Variants in SORCS2 observed in about 807,000 individuals in gnomAD.
SORCS2 encodes the protein VPS10 domain-containing receptor SorCS2.
SORCS2 carries 100 observed loss-of-function variants against 141.6 expected under a neutral mutation model. The observed-to-expected ratio is 0.71, with a 90% CI of 0.60 to 0.83. SORCS2 has a LOEUF of 0.83. Ranked by LOEUF, SORCS2 falls within the 40% of genes least tolerant of loss-of-function variation. SORCS2 has a pLI of 0.00. For synonymous variants in SORCS2, 789 were observed against 676.9 expected (o/e 1.17, Z -2.57); for missense variants, 1,646 against 1,560.2 (o/e 1.05, Z -0.93).
chr4:7,380,567 A>G (rs977350626), intron 1 of SORCS2, among the ~76,000 whole-genome samples: 1 of 152,252 alleles, frequency 6.6e-6, no homozygotes. Context: ...TTTAAAGCCC[A>G]GGGCAAGGAC....
intron 2 of SORCS2, among the ~76,000 whole-genome samples, chr4:7,453,659 G>C (rs1728652595): frequency 7.7e-6 from 1 of 129,278 alleles, no homozygotes; most frequent in Admixed American, 7.7e-5. Context: ...TTGGGGTCAG[G>C]AGCTGTGTGT....
At chr4:7,296,932 C>T (rs1024888737) in intron 1 of SORCS2, among the ~76,000 whole-genome samples, 49 of 152,312 alleles carry the variant, frequency 3.2e-4, no homozygotes, top group African/African-American at 1.1e-3. Flanking sequence ...GCCTGGTGTC[C>T]GAGGTGCCCA....
intron 2 of SORCS2, among the ~76,000 whole-genome samples, chr4:7,505,924 G>GC (rs1459838426): frequency 6.6e-6 from 1 of 152,198 alleles, no homozygotes; most frequent in Non-Finnish European, 1.5e-5. Context: ...GACGTGCCAA[G>GC]CCCCTAGTCT....
intron 2 of SORCS2, among the ~76,000 whole-genome samples, chr4:7,426,999 C>T (rs1726487913): frequency 6.6e-6 from 1 of 152,160 alleles, no homozygotes; most frequent in Non-Finnish European, 1.5e-5. Flanking sequence ...GCCCCTCCCA[C>T]CAAGGAAGGG....
At chr4:7,337,568 A>C (rs1425225367) in intron 1 of SORCS2, among the ~76,000 whole-genome samples, 1 of 152,156 alleles carries the variant, frequency 6.6e-6, no homozygotes, top group Non-Finnish European at 1.5e-5. Context: ...CAGGTGGCTG[A>C]CAAGACAAGG....
At chr4:7,552,782 G>A (rs766526103) in intron 3 of SORCS2, among the ~76,000 whole-genome samples, 1 of 152,122 alleles carries the variant, frequency 6.6e-6, no homozygotes, top group Non-Finnish European at 1.5e-5. Context: ...CCTGAGCTCT[G>A]TATGAGCTCT....
At position 7,558,598 on chromosome 4, in the gene SORCS2, AGTTCATTCCCAC is replaced by A. The variant is rs531250511; in HGVS notation, c.648+26971_648+26982del. Among the ~76,000 whole-genome samples, 38 of 152,288 alleles carry A rather than the reference AGTTCATTCCCAC, an allele frequency of 2.5e-4. No individual in the cohort carries two copies. In the East Asian group the frequency reaches 7.3e-3, roughly 29 times the overall value. ...GAGCATCTGACAGTGCTGCCTGGTC[AGTTCATTCCCAC>A]GCACATGAGCTGACGTGAGTGATGT... On this transcript the variant is annotated intron_variant, in intron 3 of 26. Transcript: ENST00000507866.
In SORCS2 at chr4:7,286,816, A is replaced by ATC. The variant is rs889161882; in HGVS notation, c.480+93690_480+93691insTC. 6.6e-6 allele frequency among the ~76,000 whole-genome samples: 1 copy of ATC among 152,186 alleles called. No homozygotes were observed. The highest frequency in any genetic ancestry group is 1.5e-5 in the Non-Finnish European group (1 of 68,032). On this transcript the variant is annotated intron_variant, in intron 1 of 26. Coordinates refer to ENST00000507866, the MANE Select transcript of SORCS2 (RefSeq NM_020777.3). The surrounding 1 kb of genome is among the most constrained non-coding windows in gnomAD (Gnocchi z 4.1). ...GGCGTCTTGGGTCCCAGACCGTGGA[A>ATC]CCTGGGTGCTGCTTTTCAGGGTACA...
chr4:7,389,817 T>C (rs1723743078), intron 1 of SORCS2, among the ~76,000 whole-genome samples: 1 of 152,104 alleles, frequency 6.6e-6, no homozygotes, highest in African/African-American at 2.4e-5. Flanking sequence ...GGGGTGTGTT[T>C]GGAGTGCAGT....
chr4:7,377,938 G>A, intron 1 of SORCS2, among the ~76,000 whole-genome samples: 1 of 152,214 alleles, frequency 6.6e-6, no homozygotes, highest in East Asian at 1.9e-4. Context: ...CAGAAATGAA[G>A]ATCTTGTTTT....
At chr4:7,484,068 C>T (rs1267336813) in intron 2 of SORCS2, among the ~76,000 whole-genome samples, 2 of 152,160 alleles carry the variant, frequency 1.3e-5, no homozygotes, top group Non-Finnish European at 2.9e-5. Flanking sequence ...AGTGTTTTTA[C>T]CTCTCTTTGC....
rs1466465441 is a variant in SORCS2, at chr4:7,664,538, A to T, written c.1071+67A>T. ...ACGTGGCGGATGACCCGTTCGCGGC[A>T]AAAATGGCATCGCTCAGAAAAGAGG... is the stretch of plus-strand genomic sequence containing the variant. On this transcript the variant is annotated intron_variant, in intron 7 of 26. Coordinates refer to ENST00000507866, the MANE Select transcript of SORCS2 (RefSeq NM_020777.3). The surrounding 1 kb of genome is among the most constrained non-coding windows in gnomAD (Gnocchi z 4.7). The T allele has an allele frequency of 8.7e-7, 1 of 1,147,788 alleles. No homozygotes were observed. Among genetic ancestry groups the T allele is most frequent in the Non-Finnish European group, 1.3e-6 (1 of 796,222 alleles). The allele number at this position is 1,147,788 out of a possible 1,614,324, so 71.1% of individuals were successfully genotyped here. A position where few individuals can be genotyped will look rare whatever the true frequency, so the allele number is the denominator to read the frequency against.
intron 3 of SORCS2, among the ~76,000 whole-genome samples, chr4:7,554,062 G>C (rs1471725124): frequency 6.6e-6 from 1 of 151,774 alleles, no homozygotes; most frequent in Non-Finnish European, 1.5e-5. Flanking sequence ...TCACAAATCA[G>C]AATGTTCATG....
chr4:7,616,315 C>G (rs1005650375), intron 3 of SORCS2, among the ~76,000 whole-genome samples: 2 of 152,124 alleles, frequency 1.3e-5, no homozygotes, highest in Non-Finnish European at 2.9e-5. Context: ...ATCCATCCAT[C>G]CATCTGTCAT....
chr4:7,454,806 G>C (rs1355259043), intron 2 of SORCS2, among the ~76,000 whole-genome samples: 1 of 137,626 alleles, frequency 7.3e-6, no homozygotes, highest in East Asian at 2.3e-4. Context: ...GCTGTGTTGG[G>C]GTCAGGCACT....
At chr4:7,727,405 A>C (rs114393161) in intron 21 of SORCS2, among the ~76,000 whole-genome samples, 1 of 141,888 alleles carries the variant, frequency 7.0e-6, no homozygotes, top group African/African-American at 2.7e-5. Flanking sequence ...TACAATACCA[A>C]CTGGTCCTAA....
At chr4:7,581,059 G>A (rs1212997405) in intron 3 of SORCS2, among the ~76,000 whole-genome samples, 4 of 151,774 alleles carry the variant, frequency 2.6e-5, no homozygotes, top group East Asian at 3.9e-4. Context: ...TAGAAGAAAG[G>A]TGGTTTGCCC....
rs147473741 is a variant in SORCS2 at position 7,689,354 on chromosome 4, G to A, written c.1489-132G>A. 934 of 743,154 alleles carry A rather than the reference G, an allele frequency of 1.3e-3. 12 individuals carry two copies. The East Asian group carries it at 0.022, about 17-fold the overall frequency. 46.0% of individuals were successfully genotyped at this position (743,154 alleles called of 1,614,324 possible). On this transcript the variant is annotated intron_variant, in intron 10 of 26. Coordinates refer to ENST00000507866, the MANE Select transcript of SORCS2 (RefSeq NM_020777.3). ...CACACCTGCTTCCCATCCTCCATCCGTTCCTCCAAGGCACTCCTGGCCCAG... is the reference window on the plus strand; with the variant it reads ...CACACCTGCTTCCCATCCTCCATCCATTCCTCCAAGGCACTCCTGGCCCAG...
intron 1 of SORCS2, among the ~76,000 whole-genome samples, chr4:7,223,175 A>T (rs922340345): frequency 6.6e-6 from 1 of 152,214 alleles, no homozygotes; most frequent in Admixed American, 6.5e-5. Flanking sequence ...GAAAGGCCTA[A>T]GGAAAAAGAA....
Sources: allele counts gnomAD v4.1 joint callset (sites outside exome capture counted in the v4.1 genomes callset), GRCh38; gene constraint gnomAD v4.1.1; non-coding constraint Gnocchi (gnomAD v3.1); transcripts MANE v1.5; gene names NCBI Gene and HGNC (gene_info 2026-07-23, HGNC 2026-07-21).